The following SEC62 variants were observed in gnomAD, a reference collection of about 807,000 sequenced individuals.
SEC62 encodes the protein SEC62 preprotein translocation factor, also known as translocation protein SEC62.
A neutral mutation model predicts 47.5 loss-of-function variants in SEC62; 10 were observed. The ratio of observed to expected loss-of-function variants is 0.21; its 90% confidence interval spans 0.13 to 0.36. SEC62 has a LOEUF of 0.36. Ranked by LOEUF, SEC62 falls within the 10% of genes least tolerant of loss-of-function variation. SEC62 has a pLI of 1.00. For missense variants in SEC62, 327 were observed against 464.1 expected, an observed-to-expected ratio of 0.70 and a Z score of 2.71; for synonymous variants, 136 against 150.5, an observed-to-expected ratio of 0.90 and a Z score of 0.71.
chr3:169,967,712 A>G (rs988912761), intron 1 of SEC62, among the ~76,000 whole-genome samples: 11 of 152,198 alleles, frequency 7.2e-5, no homozygotes, highest in African/African-American at 2.7e-4. Context: ...CAGGATATTT[A>G]TTAGTCGTCT....
At chr3:169,975,249 C>G (rs1295552237) in intron 1 of SEC62, among the ~76,000 whole-genome samples, 1 of 142,478 alleles carries the variant, frequency 7.0e-6, no homozygotes, top group Non-Finnish European at 1.5e-5. Flanking sequence ...CCACTGCACT[C>G]TAGCCTAGGC....
chr3:169,988,170 T>C, intron 6 of SEC62, 70 bp from the exon 7 acceptor site: 2 of 1,551,522 alleles, frequency 1.3e-6, no homozygotes, highest in Non-Finnish European at 1.8e-6. Flanking sequence ...CAGGGATATG[T>C]TTCTGTTAGT....
chr3:169,995,755 G>A lies in SEC62; in HGVS notation c.*2692G>A, dbSNP rs1715359137. ...AATATAGAACCTAGGGGAAATACAA[G>A]GCTAGATTTCTGCAAGCCACTGGTC... On this transcript the variant is annotated 3_prime_UTR_variant, in exon 8 of 8. Coordinates refer to ENST00000337002, the MANE Select transcript of SEC62 (RefSeq NM_003262.4). 6.6e-6 allele frequency: 1 copy of A among 152,128 alleles called. No homozygotes were observed. The highest frequency in any genetic ancestry group is 1.5e-5 in the Non-Finnish European group (1 of 68,028). The allele number at this position is 152,128 out of a possible 1,614,324, so 9.4% of individuals were successfully genotyped here. A position where few individuals can be genotyped will look rare whatever the true frequency, so the allele number is the denominator to read the frequency against.
In SEC62 at chr3:169,992,993, G is replaced by A. The variant is rs1455969248; in HGVS notation, c.1130G>A (p.Gly377Glu). Residue 377 changes from glycine (G) to glutamate (E), a missense_variant, in exon 8 of 8, where the codon GGG becomes GAG. Gly to Glu is a moderately conservative substitution (Grantham distance 98, BLOSUM62 -2). Around this residue, in one of 3 missense-constraint regions of SEC62, gnomAD observed 102 missense variants for 108.8 expected, o/e 0.94. Coordinates refer to ENST00000337002, the MANE Select transcript of SEC62 (RefSeq NM_003262.4). The surrounding 1 kb of genome is among the most constrained non-coding windows in gnomAD (Gnocchi z 4.0). ...GAGGAACTGGAACAGCAAACAGATG[G>A]GGATTGTGAAGAGGATGAGGAAGAG... Reference protein sequence around the residue: ...TKEELEQQTDGDCEEDEEEEN... With the variant: ...TKEELEQQTDEDCEEDEEEEN... The A allele has an allele frequency of 6.2e-7, 1 of 1,613,792 alleles. No homozygotes were observed. The highest frequency in any genetic ancestry group is 8.5e-7 in the Non-Finnish European group (1 of 1,179,840).
chr3:169,967,446 A>AT (rs1452019022), intron 1 of SEC62, among the ~76,000 whole-genome samples: 2 of 152,076 alleles, frequency 1.3e-5, no homozygotes, highest in Non-Finnish European at 1.5e-5. Flanking sequence ...CTTCAATATT[A>AT]TTAACTTAAT....
In SEC62 at chr3:169,993,013, G is replaced by A. The variant is rs995653710; in HGVS notation, c.1150G>A (p.Glu384Lys). The A allele has an allele frequency of 6.2e-7, 1 of 1,611,636 alleles. No individual in the cohort carries two copies. Residue 384 changes from glutamate to lysine, a missense_variant, in exon 8 of 8, where the codon GAA (glutamate) becomes AAA (lysine). Transcript: ENST00000337002. ...QTDGDCEEDE[E>K]EENDGETPKS... ...AGATGGGGATTGTGAAGAGGATGAG[G>A]AAGAGGAAAATGATGGAGAAACACC...
intron 5 of SEC62, chr3:169,983,965 A>T (rs1382036471): frequency 6.6e-6 from 1 of 152,214 alleles, no homozygotes; most frequent in African/African-American, 2.4e-5. Flanking sequence ...TTGATGCTTT[A>T]TGCTTATCAT....
chr3:169,978,296 A>G (rs914515012), intron 3 of SEC62, among the ~76,000 whole-genome samples: 2 of 151,882 alleles, frequency 1.3e-5, no homozygotes, highest in African/African-American at 2.4e-5. Context: ...ATGAGCTAAC[A>G]CTCATGCAGT....
chr3:169,979,428 C>T (rs1576859219), intron 3 of SEC62, among the ~76,000 whole-genome samples: 1 of 152,168 alleles, frequency 6.6e-6, no homozygotes, highest in East Asian at 1.9e-4. Flanking sequence ...ACAATCTTTT[C>T]TAATGTGATC....
chr3:169,987,855 TTGGCTTTG>T lies in SEC62; in HGVS notation c.611-383_611-376del, dbSNP rs574655151. On this transcript the variant is annotated intron_variant, in intron 6 of 7. Coordinates refer to ENST00000337002, the MANE Select transcript of SEC62 (RefSeq NM_003262.4). ...GAGGGGTCTTGGAAATCATTTTTTG[TTGGCTTTG>T]TTGTTCTGTTGTTTCTTTTAGCTCC... 1.8e-3 allele frequency among the ~76,000 whole-genome samples: 269 copies of T among 152,324 alleles called. 2 individuals carry two copies. Among genetic ancestry groups the T allele is most frequent in the African/African-American group, 5.8e-3 (243 of 41,576 alleles).
At chr3:169,990,571 T>G (rs1276048799) in intron 7 of SEC62, among the ~76,000 whole-genome samples, 1 of 152,202 alleles carries the variant, frequency 6.6e-6, no homozygotes, top group East Asian at 1.9e-4. Flanking sequence ...TATTGCTTTT[T>G]CTTTGGTTTG....
intron 7 of SEC62, among the ~76,000 whole-genome samples, chr3:169,989,999 T>C (rs1715202543): frequency 7.2e-6 from 1 of 138,774 alleles, no homozygotes; most frequent in South Asian, 2.3e-4. Context: ...TATAGATATA[T>C]GATATATCAT....
intron 3 of SEC62, 79 bp downstream of exon 3, chr3:169,977,130 A>C: frequency 2.3e-6 from 2 of 882,476 alleles, no homozygotes; most frequent in Admixed American, 2.5e-5. Context: ...TACATCATTA[A>C]ATGTAGTGAT....
intron 1 of SEC62, among the ~76,000 whole-genome samples, chr3:169,970,614 A>G (rs1029674035): frequency 5.3e-5 from 8 of 152,234 alleles, no homozygotes; most frequent in African/African-American, 1.9e-4. Flanking sequence ...GAGTATTCTA[A>G]CCAAACTTCC....
chr3:169,978,104 C>T (rs143284249), intron 3 of SEC62, among the ~76,000 whole-genome samples: 5,132 of 152,100 alleles, frequency 0.034, 302 homozygotes, highest in African/African-American at 0.12. Flanking sequence ...AAGGTGAAAC[C>T]CCATCTCTAC....
chr3:169,968,160 A>G (rs1714602447), intron 1 of SEC62, among the ~76,000 whole-genome samples: 1 of 152,226 alleles, frequency 6.6e-6, no homozygotes, highest in South Asian at 2.1e-4. Context: ...AGTTAGTGTT[A>G]TTCCTCTGAC....
intron 7 of SEC62, among the ~76,000 whole-genome samples, chr3:169,991,888 G>A (rs1490095930): frequency 1.3e-5 from 2 of 152,118 alleles, no homozygotes; most frequent in Non-Finnish European, 2.9e-5. Flanking sequence ...GTATATACAT[G>A]TATGTAATAG....
intron 7 of SEC62, among the ~76,000 whole-genome samples, chr3:169,991,274 A>G (rs973729048): frequency 6.6e-6 from 1 of 152,150 alleles, no homozygotes; most frequent in Admixed American, 6.5e-5. Flanking sequence ...TAAAACAAAA[A>G]GGTCAGGTTC....
chr3:169,987,368 A>G (rs1559967264), intron 6 of SEC62, among the ~76,000 whole-genome samples: 1 of 152,174 alleles, frequency 6.6e-6, no homozygotes, highest in East Asian at 1.9e-4. Context: ...GTCGTGAGCC[A>G]AGATCATGCC....
Sources: allele counts gnomAD v4.1 joint callset (sites outside exome capture counted in the v4.1 genomes callset), GRCh38; gene constraint gnomAD v4.1.1; regional missense constraint gnomAD v4.1.1; non-coding constraint Gnocchi (gnomAD v3.1); transcripts MANE v1.5; gene names NCBI Gene and HGNC (gene_info 2026-07-23, HGNC 2026-07-21).